Variants in ADGRD1 observed in about 807,000 individuals in gnomAD.
ADGRD1 encodes the protein adhesion G protein-coupled receptor D1.
Under a neutral mutation model 113.4 loss-of-function variants are expected in ADGRD1, and 77 were observed. The observed-to-expected ratio is 0.68, with a 90% confidence interval of 0.57 to 0.82. ADGRD1 has a LOEUF of 0.82. Among genes scored for constraint, ADGRD1 ranks in the 40% least tolerant of loss-of-function variants. The pLI is 0.00. For synonymous variants in ADGRD1, 474 were observed against 475.0 expected, an observed-to-expected ratio of 1.00 and a Z score of 0.03; for missense variants, 1,036 against 1,139.1, an observed-to-expected ratio of 0.91 and a Z score of 1.30.
rs1176822382 is a variant in ADGRD1, at chr12:131,041,715, T to C, written c.1473+27375T>C. Among the ~76,000 whole-genome samples, 1 of 152,122 alleles carries C rather than the reference T, an allele frequency of 6.6e-6. No homozygotes were observed. Among genetic ancestry groups the C allele is most frequent in the Non-Finnish European group, 1.5e-5 (1 of 68,006 alleles). On this transcript the variant is annotated intron_variant, in intron 13 of 24. Coordinates refer to ENST00000261654, the MANE Select transcript of ADGRD1 (RefSeq NM_198827.5). The surrounding 1 kb of genome is among the most constrained non-coding windows in gnomAD (Gnocchi z 4.4). ...ATGTCATGCATGAATCAGGGAGCAG[T>C]TCCCGGGGAACACACTGCACGCTGT...
chr12:131,094,001 G>A (rs986404440), intron 15 of ADGRD1, among the ~76,000 whole-genome samples: 1 of 62,146 alleles, frequency 1.6e-5, no homozygotes, highest in South Asian at 5.1e-4. Context: ...ACCCAGCCCT[G>A]AGCACCCAGC....
Position 131,009,492 on chromosome 12 carries a change from C to T in ADGRD1, c.1331+3445C>T, listed in dbSNP as rs180894948. On this transcript the variant is annotated intron_variant, in intron 12 of 24. Coordinates refer to ENST00000261654, the MANE Select transcript of ADGRD1 (RefSeq NM_198827.5). ...GCATTAGAGCATCTTGTAGGGTCCT[C>T]GTTAAATTTCTGAGTGTGATCATTG... 1.6e-3 allele frequency among the ~76,000 whole-genome samples: 250 copies of T among 152,226 alleles called. 2 individuals are homozygous for T. Among genetic ancestry groups the T allele is most frequent in the African/African-American group, 5.7e-3 (238 of 41,528 alleles).
At chr12:131,037,986 TACTC>T (rs905052795) in intron 13 of ADGRD1, among the ~76,000 whole-genome samples, 14 of 148,184 alleles carry the variant, frequency 9.4e-5, no homozygotes, top group Admixed American at 4.7e-4. Flanking sequence ...CACTGGGTCT[TACTC>T]ACTGCACTGG....
chr12:130,965,849 G>T lies in ADGRD1; in HGVS notation c.104-614G>T, dbSNP rs2136503399. ...AGGAAGCATAGAGGGAAAATAGAAT[G>T]ACCAGGATTAAATTGAGAAAGTGAG... On this transcript the variant is annotated intron_variant, in intron 2 of 24. Transcript: ENST00000261654. This position sits in a 1 kb window ranked among gnomAD's most constrained non-coding sequence, Gnocchi z 4.8. Among the ~76,000 whole-genome samples the T allele has an allele frequency of 6.6e-6, 1 of 152,316 alleles. No homozygotes were observed. Among genetic ancestry groups the T allele is most frequent in the East Asian group, 1.9e-4 (1 of 5,178 alleles).
At chr12:131,031,658 A>ACCATCC (rs1231818934) in intron 13 of ADGRD1, among the ~76,000 whole-genome samples, 1 of 151,026 alleles carries the variant, frequency 6.6e-6, no homozygotes, top group Non-Finnish European at 1.5e-5. Flanking sequence ...GCCCCTCTCC[A>ACCATCC]CCATCCCATT....
At chr12:131,098,136 G>T (rs1328061391) in intron 15 of ADGRD1, among the ~76,000 whole-genome samples, 1 of 144,450 alleles carries the variant, frequency 6.9e-6, no homozygotes, top group South Asian at 2.1e-4. Flanking sequence ...GTCCTCCCGC[G>T]GTGGCCGCTG....
intron 3 of ADGRD1, chr12:130,968,874 A>G: frequency 1.5e-6 from 1 of 679,328 alleles, no homozygotes; most frequent in South Asian, 1.7e-5. Context: ...CTTGGATGAA[A>G]GAGCCCCTCC....
chr12:130,996,716 C>T lies in ADGRD1; in HGVS notation c.967-3667C>T, dbSNP rs1324837690. Among the ~76,000 whole-genome samples the T allele has an allele frequency of 3.1e-5, 3 of 95,792 alleles. 1 individual carries two copies. Among genetic ancestry groups the T allele is most frequent in the African/African-American group, 8.1e-5 (2 of 24,832 alleles). The allele number at this position is 95,792 out of a possible 152,430, so 62.8% of individuals were successfully genotyped here. The stretch of plus-strand genomic sequence containing the variant: ...CTGGCCGGGCGGGGGGCTGACCCCC[C>T]CACCACCCTCCCGGACGGGGTGGCT... On this transcript the variant is annotated intron_variant, in intron 8 of 24. Coordinates refer to ENST00000261654, the MANE Select transcript of ADGRD1 (RefSeq NM_198827.5).
At chr12:130,980,339 C>T (rs1441214541) in intron 4 of ADGRD1, among the ~76,000 whole-genome samples, 3 of 152,068 alleles carry the variant, frequency 2.0e-5, no homozygotes, top group South Asian at 2.1e-4. Context: ...CTCCTGACCT[C>T]ATGATCCACC....
chr12:131,127,885 C>T (rs11611553), intron 20 of ADGRD1, among the ~76,000 whole-genome samples: 19 of 79,924 alleles, frequency 2.4e-4, no homozygotes, highest in East Asian at 4.1e-4. Context: ...TGTGATGGGA[C>T]CCTGAGCTCA....
intron 17 of ADGRD1, among the ~76,000 whole-genome samples, chr12:131,108,125 GC>G (rs1426992640): frequency 6.6e-6 from 1 of 152,198 alleles, no homozygotes; most frequent in Non-Finnish European, 1.5e-5. Flanking sequence ...CCAAGGCCCT[GC>G]CTTTCTGTCC....
intron 13 of ADGRD1, among the ~76,000 whole-genome samples, chr12:131,042,327 C>T (rs189971315): frequency 1.4e-3 from 206 of 152,322 alleles, no homozygotes; most frequent in Non-Finnish European, 2.3e-3. Flanking sequence ...CAGTGAGCCT[C>T]AGGTTCCGGA....
chr12:131,038,962 C>T (rs1209891471), intron 13 of ADGRD1, among the ~76,000 whole-genome samples: 2 of 152,230 alleles, frequency 1.3e-5, no homozygotes, highest in Non-Finnish European at 2.9e-5. Context: ...GAGGAGGGAG[C>T]AAGGCTGTCC....
chr12:131,137,141 G>A lies in ADGRD1; in HGVS notation c.2436+127G>A, dbSNP rs990636927. On this transcript the variant is annotated intron_variant, in intron 23 of 24. Coordinates refer to ENST00000261654, the MANE Select transcript of ADGRD1 (RefSeq NM_198827.5). Reference sequence around the variant, plus strand: ...GGGACTCAAATCCTGAGCCAGCCACGTTCCTGATGCCAAGTTGTGTGCCCT... The same window carrying A: ...GGGACTCAAATCCTGAGCCAGCCACATTCCTGATGCCAAGTTGTGTGCCCT... 3.8e-5 allele frequency: 30 copies of A among 782,526 alleles called. 1 individual carries two copies. The highest frequency in any genetic ancestry group is 7.1e-5 in the South Asian group (5 of 70,072). 48.5% of individuals were successfully genotyped at this position (782,526 alleles called of 1,614,324 possible). A position where few individuals can be genotyped will look rare whatever the true frequency, so the allele number is the denominator to read the frequency against.
At position 131,141,125 on chromosome 12, in the gene ADGRD1, T is replaced by C. The variant is rs1027553313; in HGVS notation, c.*1862T>C. 1 of 152,284 alleles carries C rather than the reference T, an allele frequency of 6.6e-6. No homozygotes were observed. Among genetic ancestry groups the C allele is most frequent in the Non-Finnish European group, 1.5e-5 (1 of 68,052 alleles). The allele number at this position is 152,284 out of a possible 1,614,324, so 9.4% of individuals were successfully genotyped here. On this transcript the variant is annotated 3_prime_UTR_variant, in exon 25 of 25. Transcript: ENST00000261654. ...ATGTACACTTGGATATTTCTCCTTA[T>C]TTAGTTTCTAGTGAAACAAATCAAG...
At chr12:131,102,921 G>A (rs1329262315) in intron 15 of ADGRD1, among the ~76,000 whole-genome samples, 1 of 152,230 alleles carries the variant, frequency 6.6e-6, no homozygotes, top group East Asian at 1.9e-4. Flanking sequence ...TCTCCTGAGG[G>A]GACGGGGGCC....
chr12:131,029,641 TC>T (rs770216336), intron 13 of ADGRD1, among the ~76,000 whole-genome samples: 39 of 147,306 alleles, frequency 2.6e-4, no homozygotes, highest in African/African-American at 8.6e-4. Context: ...TAGGTGACAT[TC>T]CCAGGCTCTG....
At chr12:130,988,165 G>A (rs1203917482) in intron 6 of ADGRD1, 1 of 139,000 alleles carries the variant, frequency 7.2e-6, no homozygotes, top group Non-Finnish European at 1.7e-5. Flanking sequence ...CTCCCTTTCT[G>A]GGGGAGGTGT....
intron 3 of ADGRD1, chr12:130,968,986 C>G: frequency 6.5e-7 from 1 of 1,532,662 alleles, no homozygotes; most frequent in Non-Finnish European, 8.7e-7. Context: ...GCGTCCCGAA[C>G]CCACAAGCTC....
Sources: allele counts gnomAD v4.1 joint callset (sites outside exome capture counted in the v4.1 genomes callset), GRCh38; gene constraint gnomAD v4.1.1; non-coding constraint Gnocchi (gnomAD v3.1); transcripts MANE v1.5; gene names NCBI Gene and HGNC (gene_info 2026-07-23, HGNC 2026-07-21).